The following TACC3 variants were observed in gnomAD, a reference collection of about 807,000 sequenced individuals.
TACC3 encodes transforming acidic coiled-coil containing protein 3, also known as transforming acidic coiled-coil-containing protein 3.
TACC3 carries 52 observed loss-of-function variants against 86.0 expected under a neutral mutation model. The observed-to-expected ratio is 0.60, with a 90% CI of 0.48 to 0.76. TACC3 has a LOEUF of 0.76. Ranked by LOEUF, TACC3 falls within the 30% of genes least tolerant of loss-of-function variation. TACC3 has a pLI of 0.00. For missense variants in TACC3, 1,120 were observed against 1,070.4 expected (o/e 1.05, Z -0.65); for synonymous variants, 512 against 430.0 (o/e 1.19, Z -2.36).
In TACC3 at chr4:1,728,118, G is replaced by T; in HGVS notation, c.716G>T (p.Gly239Val). 6.2e-7 allele frequency: 1 copy of T among 1,612,296 alleles called. No individual in the cohort carries two copies. The highest frequency in any genetic ancestry group is 8.5e-7 in the Non-Finnish European group (1 of 1,179,724). The change falls in exon 4 of 16, where the codon GGT becomes GTT. Residue 239 changes from glycine to valine, a missense_variant. Physicochemically the swap from Gly to Val is moderately radical, Grantham distance 109. Transcript: ENST00000313288. ...GGAGCCGAGGAGGAATGCCGGCACG[G>T]TGGGGTCTGTGCTCCCGCAGCAGTG... ...PHGAEEECRHGGVCAPAAVAT... is the reference protein window; with the variant it reads ...PHGAEEECRHVGVCAPAAVAT...
At chr4:1,729,892 A>C (rs1030890484) in intron 4 of TACC3, among the ~76,000 whole-genome samples, 1 of 152,012 alleles carries the variant, frequency 6.6e-6, no homozygotes, top group Non-Finnish European at 1.5e-5. Flanking sequence ...TGCCTTCCCA[A>C]GTGCTGGTGT....
chr4:1,731,094 A>G lies in TACC3; in HGVS notation c.1462-78A>G, dbSNP rs1191821539. On this transcript the variant is annotated intron_variant, in intron 5 of 15. Transcript: ENST00000313288. Reference sequence around the variant, plus strand: ...CTCCCTCTCCCCCAAGTCTACTTCAACAAGGTTGTGGGGAGGCAAAGCCAC... The same window carrying G: ...CTCCCTCTCCCCCAAGTCTACTTCAGCAAGGTTGTGGGGAGGCAAAGCCAC... 5.0e-6 allele frequency: 8 copies of G among 1,600,368 alleles called. No individual in the cohort carries two copies. In the East Asian group the frequency reaches 9.0e-5, roughly 18 times the overall value.
In TACC3 at chr4:1,735,553, ACT is replaced by A. The variant is rs1388288947; in HGVS notation, c.1645-175_1645-174del. On this transcript the variant is annotated intron_variant, in intron 7 of 15. Coordinates refer to ENST00000313288, the MANE Select transcript of TACC3 (RefSeq NM_006342.3). The surrounding 1 kb of genome is among the most constrained non-coding windows in gnomAD (Gnocchi z 4.2). ...TACCTGGTGCCTAGCCCAGGATGAAACTCTGACACGCTGTGCTGCTGGGAATG... is the reference window on the plus strand; with the variant it reads ...TACCTGGTGCCTAGCCCAGGATGAAACTGACACGCTGTGCTGCTGGGAATG... Among the ~76,000 whole-genome samples, 4 of 149,658 alleles carry A rather than the reference ACT, an allele frequency of 2.7e-5. No individual in the cohort carries two copies. The highest frequency in any genetic ancestry group is 4.9e-5 in the African/African-American group (2 of 40,570).
At chr4:1,730,675 G>C (rs777874261) in intron 4 of TACC3, 152 of 700,118 alleles carry the variant, frequency 2.2e-4, no homozygotes, top group Non-Finnish European at 3.2e-4. Flanking sequence ...GAGCTGGCAG[G>C]CAAGGCGCGT....
chr4:1,741,204 G>A (rs1330595309), intron 13 of TACC3: 7 of 467,548 alleles, frequency 1.5e-5, no homozygotes, highest in African/African-American at 1.2e-4. Context: ...GAGTGAGCAG[G>A]GAGGCCATCT....
In TACC3 at chr4:1,735,748, G is replaced by T; in HGVS notation, c.1662G>T (p.Leu554Phe). 1 of 1,613,226 alleles carries T rather than the reference G, an allele frequency of 6.2e-7. No individual in the cohort carries two copies. The change falls in exon 8 of 16, where the codon TTG becomes TTT. Residue 554 changes from leucine (L) to phenylalanine (F), a missense_variant. Leu to Phe is a conservative substitution (Grantham distance 22, BLOSUM62 0). Coordinates refer to ENST00000313288, the MANE Select transcript of TACC3 (RefSeq NM_006342.3). The surrounding 1 kb of genome is among the most constrained non-coding windows in gnomAD (Gnocchi z 4.2). ...GTCCCCAGTTTAAGGAGTCGGCCTT[G>T]AGGAAGCAGTCCTTATACCTCAAGT... ...FGTSSFKESALRKQSLYLKFD... is the reference protein window; with the variant it reads ...FGTSSFKESAFRKQSLYLKFD...
Position 1,728,470 on chromosome 4 carries a change from A to T in TACC3, c.1068A>T (p.Arg356Ser). Residue 356 changes from arginine (R) to serine (S), a missense_variant, in exon 4 of 16, where the codon AGA becomes AGT. Transcript: ENST00000313288. The part of the protein sequence containing the change: ...ATSKRAPPPR[R>S]LGERSGLKPP... ...GCAAAAGGGCACCCCCACCAAGGAG[A>T]CTGGGAGAGAGGTCCGGCCTCAAGC... The T allele has an allele frequency of 6.2e-7, 1 of 1,613,828 alleles. No homozygotes were observed. The highest frequency in any genetic ancestry group is 1.1e-5 in the South Asian group (1 of 91,074).
intron 3 of TACC3, among the ~76,000 whole-genome samples, chr4:1,726,303 T>G (rs1053492842): frequency 1.3e-5 from 2 of 152,184 alleles, no homozygotes; most frequent in Non-Finnish European, 2.9e-5. Context: ...TGCCTGCAGG[T>G]GGCATCCTGC....
chr4:1,745,098 T>C lies in TACC3; in HGVS notation c.*85T>C, dbSNP rs1718787944. The C allele has an allele frequency of 2.9e-6, 4 of 1,402,396 alleles. No homozygotes were observed. The highest frequency in any genetic ancestry group is 3.9e-6 in the Non-Finnish European group (4 of 1,033,466). The allele number at this position is 1,402,396 out of a possible 1,614,324, so 86.9% of individuals were successfully genotyped here. A position where few individuals can be genotyped will look rare whatever the true frequency, so the allele number is the denominator to read the frequency against. Reference sequence around the variant, plus strand: ...CTTAGGTGTCATGTTCTTTTTTCTGTCTTGTCTTCAACTTTTTTAAAAACT... The same window carrying C: ...CTTAGGTGTCATGTTCTTTTTTCTGCCTTGTCTTCAACTTTTTTAAAAACT... On this transcript the variant is annotated 3_prime_UTR_variant, in exon 16 of 16. Transcript: ENST00000313288.
chr4:1,720,792 C>A (rs868168700), upstream of TACC3: 1 of 1,595,668 alleles, frequency 6.3e-7, no homozygotes, highest in Non-Finnish European at 8.5e-7. This position sits in a 1 kb window ranked among gnomAD's most constrained non-coding sequence, Gnocchi z 4.4. Context: ...AAGCACACGG[C>A]GAACACCAGA....
At chr4:1,739,132 C>T (rs1380707328) in intron 10 of TACC3, among the ~76,000 whole-genome samples, 2 of 152,072 alleles carry the variant, frequency 1.3e-5, no homozygotes, top group East Asian at 1.9e-4. Flanking sequence ...CACGGTGAAA[C>T]CCTGTCTCTA....
rs571109362 is a variant in TACC3 at position 1,735,635 on chromosome 4, G to A, written c.1645-96G>A. 1.7e-4 allele frequency: 163 copies of A among 972,586 alleles called. No homozygotes were observed. Among genetic ancestry groups the A allele is most frequent in the African/African-American group, 9.6e-4 (56 of 58,198 alleles). The allele number at this position is 972,586 out of a possible 1,614,324, so 60.2% of individuals were successfully genotyped here. A position where few individuals can be genotyped will look rare whatever the true frequency, so the allele number is the denominator to read the frequency against. The stretch of plus-strand genomic sequence containing the variant: ...CGGGGGTGGGAGTGTGCGGGTGACC[G>A]GGGGTGGGAGTGTGCAGGTGACCTC... On this transcript the variant is annotated intron_variant, in intron 7 of 15. Coordinates refer to ENST00000313288, the MANE Select transcript of TACC3 (RefSeq NM_006342.3). This position sits in a 1 kb window ranked among gnomAD's most constrained non-coding sequence, Gnocchi z 4.2.
Position 1,735,426 on chromosome 4 carries a change from C to A in TACC3, c.1644+101C>A. The A allele has an allele frequency of 7.6e-7, 1 of 1,319,446 alleles. No individual in the cohort carries two copies. Among genetic ancestry groups the A allele is most frequent in the Non-Finnish European group, 1.1e-6 (1 of 921,676 alleles). 81.7% of individuals were successfully genotyped at this position (1,319,446 alleles called of 1,614,324 possible). ...GCGTCCCTTGGTGCCCACGTCCCCC[C>A]AGCTGCACACAGGCCCAGGCATTGT... On this transcript the variant is annotated intron_variant, in intron 7 of 15. Transcript: ENST00000313288. The surrounding 1 kb of genome is among the most constrained non-coding windows in gnomAD (Gnocchi z 4.2).
intron 10 of TACC3, chr4:1,739,453 C>A (rs1424539567): frequency 8.8e-6 from 5 of 567,652 alleles, no homozygotes; most frequent in South Asian, 4.7e-5. Flanking sequence ...TGTTGGGTGC[C>A]TGCTGGTTCC....
chr4:1,735,296 G>C lies in TACC3; in HGVS notation c.1615G>C (p.Asp539His). ...AEVLGTGAEV[D>H]YLEQFGTSSF... ...AGTTCTAGGCACGGGCGCGGAGGTG[G>C]ATTACCTGGAGCAGTTTGGAACTTC... Residue 539 changes from aspartate (D) to histidine (H), a missense_variant, in exon 7 of 16, where the codon GAT (aspartate) becomes CAT (histidine). By Grantham distance (81) the Asp-to-His change is moderately conservative (BLOSUM62 -1). Coordinates refer to ENST00000313288, the MANE Select transcript of TACC3 (RefSeq NM_006342.3). The surrounding 1 kb of genome is among the most constrained non-coding windows in gnomAD (Gnocchi z 4.2). 6.2e-7 allele frequency: 1 copy of C among 1,614,074 alleles called. No homozygotes were observed. Among genetic ancestry groups the C allele is most frequent in the South Asian group, 1.1e-5 (1 of 91,090 alleles).
chr4:1,737,943 T>A (rs1406425690), intron 10 of TACC3: 1 of 627,952 alleles, frequency 1.6e-6, no homozygotes, highest in Non-Finnish European at 3.0e-6. Context: ...TCCCCGGGAC[T>A]CTCCGGCCTG....
At chr4:1,740,466 C>T (rs1017505057) in intron 12 of TACC3, 4 of 306,544 alleles carry the variant, frequency 1.3e-5, no homozygotes, top group South Asian at 9.9e-5. Context: ...GGCAGGTGAC[C>T]GCCTGGCCCT....
At position 1,743,714 on chromosome 4, in the gene TACC3, G is replaced by A. The variant is rs940060859; in HGVS notation, c.2224-804G>A. Among the ~76,000 whole-genome samples the A allele has an allele frequency of 6.6e-5, 10 of 152,146 alleles. No homozygotes were observed. In the South Asian group the frequency reaches 1.0e-3, roughly 16 times the overall value. ...AGCCCCCAGAGCCAGAGGGAGAGAC[G>A]CCGCTGTGGCGGGAGGCTTGACCTG... On this transcript the variant is annotated intron_variant, in intron 13 of 15. Coordinates refer to ENST00000313288, the MANE Select transcript of TACC3 (RefSeq NM_006342.3).
At chr4:1,729,428 C>T (rs1717891100) in intron 4 of TACC3, among the ~76,000 whole-genome samples, 1 of 152,116 alleles carries the variant, frequency 6.6e-6, no homozygotes, top group African/African-American at 2.4e-5. Flanking sequence ...GAATGTCTGG[C>T]TGCGCTGTTA....
Sources: allele counts gnomAD v4.1 joint callset (sites outside exome capture counted in the v4.1 genomes callset), GRCh38; gene constraint gnomAD v4.1.1; non-coding constraint Gnocchi (gnomAD v3.1); transcripts MANE v1.5; gene names NCBI Gene and HGNC (gene_info 2026-07-23, HGNC 2026-07-21).